SRGAP2C: variants seen among roughly 807,000 people sequenced by gnomAD.
SRGAP2C encodes SLIT-ROBO Rho GTPase activating protein 2C.
SRGAP2C carries 15 observed loss-of-function variants against 25.1 expected under a neutral mutation model. That is an observed-to-expected ratio of 0.60 (90% CI 0.40 to 0.92). The LOEUF is 0.92. Among genes scored for constraint, SRGAP2C ranks in the 40% least tolerant of loss-of-function variants. The pLI is 0.00. For synonymous variants in SRGAP2C, 44 were observed against 96.6 expected, an observed-to-expected ratio of 0.46 and a Z score of 3.19; for missense variants, 144 against 264.4, an observed-to-expected ratio of 0.54 and a Z score of 3.16.
At chr1:121,378,881 G>A (rs587774702) in intron 7 of SRGAP2C, among the ~76,000 whole-genome samples, 1 of 152,356 alleles carries the variant, frequency 6.6e-6, no homozygotes, top group Admixed American at 6.5e-5. Context: ...ACTTCAGACT[G>A]TAGGAATCCA....
chr1:121,327,594 TG>T (rs1658342402), intron 4 of SRGAP2C, among the ~76,000 whole-genome samples: 1 of 143,438 alleles, frequency 7.0e-6, no homozygotes, highest in East Asian at 2.1e-4. Flanking sequence ...CATTCTCTTT[TG>T]GCTGGGTAAA....
chr1:121,222,753 G>A (rs1553325887), intron 2 of SRGAP2C, among the ~76,000 whole-genome samples: 1 of 152,142 alleles, frequency 6.6e-6, no homozygotes, highest in Non-Finnish European at 1.5e-5. Context: ...CCATCAGACG[G>A]GAGTGGCTAG....
intron 2 of SRGAP2C, among the ~76,000 whole-genome samples, chr1:121,282,874 C>G (rs1385351777): frequency 1.3e-5 from 2 of 150,840 alleles, no homozygotes; most frequent in Non-Finnish European, 3.0e-5. Flanking sequence ...TCTTACTGAA[C>G]GGATGGAATT....
Position 121,331,167 on chromosome 1 carries a change from A to G in SRGAP2C, c.423+6527A>G, listed in dbSNP as rs1197884210. Reference sequence around the variant, plus strand: ...CTCAAAAAAAAAAAAAAAAAAAAAAAAAAAAAGAGGTCCATATTCTAACCT... The same window carrying G: ...CTCAAAAAAAAAAAAAAAAAAAAAAGAAAAAAGAGGTCCATATTCTAACCT... On this transcript the variant is annotated intron_variant, in intron 4 of 9. Transcript: ENST00000367123. Among the ~76,000 whole-genome samples, 6 of 134,716 alleles carry G rather than the reference A, an allele frequency of 4.5e-5. 1 individual carries two copies. The East Asian group carries it at 1.0e-3, about 23-fold the overall frequency. 88.4% of individuals were successfully genotyped at this position (134,716 alleles called of 152,430 possible).
rs587673247 is a variant in SRGAP2C at position 121,375,172 on chromosome 1, A to G, written c.831+218A>G. 1.6e-3 allele frequency among the ~76,000 whole-genome samples: 243 copies of G among 150,092 alleles called. 1 individual carries two copies. Among genetic ancestry groups the G allele is most frequent in the African/African-American group, 5.7e-3 (230 of 40,588 alleles). On this transcript the variant is annotated intron_variant, in intron 7 of 9. Coordinates refer to ENST00000367123, the MANE Select transcript of SRGAP2C (RefSeq NM_001329984.2). Reference sequence around the variant, plus strand: ...TTCTGGGAGGAAGGCATTATTATCTATATTTTTACAGATTAACAGAGAGTT... The same window carrying G: ...TTCTGGGAGGAAGGCATTATTATCTGTATTTTTACAGATTAACAGAGAGTT...
At chr1:121,338,852 CA>C (rs1372802942) in intron 4 of SRGAP2C, among the ~76,000 whole-genome samples, 1 of 141,934 alleles carries the variant, frequency 7.0e-6, no homozygotes, top group Non-Finnish European at 1.5e-5. Context: ...AGCAAACAAA[CA>C]AAAAACCCTT....
chr1:121,303,786 CAT>C (rs1404240598), intron 3 of SRGAP2C, among the ~76,000 whole-genome samples: 4 of 152,048 alleles, frequency 2.6e-5, no homozygotes, highest in Admixed American at 1.3e-4. Flanking sequence ...TCCAATACCA[CAT>C]GTTTTATTTA....
chr1:121,300,469 A>G, intron 3 of SRGAP2C, among the ~76,000 whole-genome samples: 1 of 136,422 alleles, frequency 7.3e-6, no homozygotes, highest in Non-Finnish European at 1.6e-5. Flanking sequence ...TTCATGAAGG[A>G]TCTACCCCCA....
chr1:121,234,932 G>T (rs1655909189), intron 2 of SRGAP2C, among the ~76,000 whole-genome samples: 1 of 151,640 alleles, frequency 6.6e-6, no homozygotes, highest in South Asian at 2.1e-4. Flanking sequence ...CTCCAGAACT[G>T]TAAGAAATTC....
intron 3 of SRGAP2C, among the ~76,000 whole-genome samples, chr1:121,294,604 TTA>T (rs1356770894): frequency 1.1e-5 from 1 of 87,766 alleles, no homozygotes; most frequent in Non-Finnish European, 2.6e-5. Context: ...TTTTTTTTTT[TTA>T]AATAGACTTC....
intron 4 of SRGAP2C, among the ~76,000 whole-genome samples, chr1:121,357,457 A>G (rs1322774354): frequency 1.3e-5 from 2 of 151,064 alleles, no homozygotes; most frequent in Non-Finnish European, 2.9e-5. Context: ...TCATTCTGCC[A>G]CCCCTACCTT....
intron 2 of SRGAP2C, among the ~76,000 whole-genome samples, chr1:121,263,206 C>A (rs1264301426): frequency 2.0e-5 from 3 of 150,330 alleles, no homozygotes; most frequent in Non-Finnish European, 3.0e-5. Context: ...TACTTATAAT[C>A]CTAGCTACTC....
chr1:121,278,162 G>A (rs1187988534), intron 2 of SRGAP2C, among the ~76,000 whole-genome samples: 47 of 151,994 alleles, frequency 3.1e-4, no homozygotes, highest in East Asian at 2.3e-3. Context: ...GCCCAGGCTC[G>A]TCTGGAACTC....
At chr1:121,198,389 T>G (rs1214405004) in intron 2 of SRGAP2C, among the ~76,000 whole-genome samples, 7 of 131,578 alleles carry the variant, frequency 5.3e-5, no homozygotes, top group African/African-American at 2.0e-4. Context: ...ACCTTATCTT[T>G]GCTGTTTGAG....
At chr1:121,346,569 A>G (rs1446008735) in intron 4 of SRGAP2C, among the ~76,000 whole-genome samples, 3 of 151,942 alleles carry the variant, frequency 2.0e-5, no homozygotes, top group African/African-American at 4.8e-5. Flanking sequence ...TCCTGACCCC[A>G]GGTCAATGGC....
At chr1:121,196,735 G>A (rs1342852945) in intron 2 of SRGAP2C, among the ~76,000 whole-genome samples, 3 of 100,590 alleles carry the variant, frequency 3.0e-5, no homozygotes, top group Middle Eastern at 4.2e-3. Context: ...AATATTAAAT[G>A]CTAAATAAAT....
rs1159053572 is a variant in SRGAP2C, at chr1:121,249,580, ATTTTT to A, written c.68-35209_68-35205del. Reference sequence around the variant, plus strand: ...TATATATATATATATATATATATATATTTTTTTTTTTTTTTTTTAAATTATACTTT... The same window carrying A: ...TATATATATATATATATATATATATATTTTTTTTTTTTTAAATTATACTTT... On this transcript the variant is annotated intron_variant, in intron 2 of 9. Coordinates refer to ENST00000367123, the MANE Select transcript of SRGAP2C (RefSeq NM_001329984.2). 4.5e-3 allele frequency among the ~76,000 whole-genome samples: 100 copies of A among 22,310 alleles called. 1 individual carries two copies. The highest frequency in any genetic ancestry group is 8.6e-3 in the Admixed American group (12 of 1,394). 14.6% of individuals were successfully genotyped at this position (22,310 alleles called of 152,430 possible). A position where few individuals can be genotyped will look rare whatever the true frequency, so the allele number is the denominator to read the frequency against.
At chr1:121,337,554 C>A (rs2101621571) in intron 4 of SRGAP2C, among the ~76,000 whole-genome samples, 1 of 151,874 alleles carries the variant, frequency 6.6e-6, no homozygotes, top group African/African-American at 2.4e-5. Flanking sequence ...ATCGCTTGAA[C>A]CTGGGAGGCA....
At chr1:121,312,532 G>T (rs1657988803) in intron 3 of SRGAP2C, among the ~76,000 whole-genome samples, 1 of 93,418 alleles carries the variant, frequency 1.1e-5, no homozygotes, top group Non-Finnish European at 2.2e-5. Context: ...GTCAATTTTG[G>T]ATCTTTCCTG....
Sources: allele counts gnomAD v4.1 joint callset (sites outside exome capture counted in the v4.1 genomes callset), GRCh38; gene constraint gnomAD v4.1.1; transcripts MANE v1.5; gene names NCBI Gene and HGNC (gene_info 2026-07-23, HGNC 2026-07-21).